Variants in AOPEP observed in about 807,000 individuals in gnomAD.
AOPEP encodes aminopeptidase O (putative).
Under a neutral mutation model 98.1 loss-of-function variants are expected in AOPEP, and 77 were observed. The ratio of observed to expected loss-of-function variants is 0.78; its 90% CI spans 0.65 to 0.95. AOPEP has a LOEUF of 0.95. Among genes scored for constraint, AOPEP ranks in the 40% least tolerant of loss-of-function variants. AOPEP has a pLI of 0.00. For missense variants in AOPEP, 1,024 were observed against 1,024.7 expected (o/e 1.00, Z 0.01); for synonymous variants, 346 against 365.3 (o/e 0.95, Z 0.60).
chr9:95,083,740 A>T (rs2070211556), intron 16 of AOPEP, among the ~76,000 whole-genome samples: 1 of 152,192 alleles, frequency 6.6e-6, no homozygotes, highest in Non-Finnish European at 1.5e-5. Context: ...CACGCACCAC[A>T]CAGCACCCGC....
At chr9:94,923,852 G>A (rs1471763791) in intron 5 of AOPEP, 134 bp from the exon 6 acceptor site, 5 of 500,920 alleles carry the variant, frequency 1.0e-5, no homozygotes, top group African/African-American at 4.0e-5. Flanking sequence ...CATCTAAGCC[G>A]CAAGCCTATC....
At chr9:95,077,157 T>A (rs1481537141) in intron 14 of AOPEP, among the ~76,000 whole-genome samples, 1 of 152,166 alleles carries the variant, frequency 6.6e-6, no homozygotes, top group East Asian at 1.9e-4. Context: ...CAGCCACAGC[T>A]GGCTGTCCCC....
At chr9:95,109,080 CTTTA>C in the AOPEP span, among the ~76,000 whole-genome samples, 1 of 151,956 alleles carries the variant, frequency 6.6e-6, no homozygotes, top group Non-Finnish European at 1.5e-5. Flanking sequence ...TGGCTAATTT[CTTTA>C]TTTATTTTTT....
chr9:94,835,006 G>A (rs1376339791), intron 5 of AOPEP, among the ~76,000 whole-genome samples: 1 of 152,146 alleles, frequency 6.6e-6, no homozygotes, highest in East Asian at 1.9e-4. Flanking sequence ...AATCCTTATG[G>A]GTACCTGAGA....
rs536837521 is a variant in AOPEP at position 94,993,490 on chromosome 9, A to T, written c.1978-11668A>T. 3.3e-5 allele frequency among the ~76,000 whole-genome samples: 5 copies of T among 152,360 alleles called. No individual in the cohort carries two copies. The East Asian group carries it at 7.7e-4, about 23-fold the overall frequency. Reference sequence around the variant, plus strand: ...GAGAAATTGCTACAGTGATCGCTGCATATTTTATAGCAAAACGTTGCAGTA... The same window carrying T: ...GAGAAATTGCTACAGTGATCGCTGCTTATTTTATAGCAAAACGTTGCAGTA... On this transcript the variant is annotated intron_variant, in intron 11 of 16. Transcript: ENST00000375315.
intron 1 of AOPEP, among the ~76,000 whole-genome samples, chr9:94,736,896 T>A (rs1831898889): frequency 1.3e-5 from 2 of 152,186 alleles, no homozygotes. Context: ...TATGAAGGGT[T>A]TAGAAACTGT....
At position 94,972,402 on chromosome 9, in the gene AOPEP, T is replaced by C. The variant is rs1221313658; in HGVS notation, c.1916+4601T>C. On this transcript the variant is annotated intron_variant, in intron 10 of 16. Transcript: ENST00000375315. The surrounding 1 kb of genome is among the most constrained non-coding windows in gnomAD (Gnocchi z 4.2). ...CCAGACAATCCTGAGCAGCAGTCTC[T>C]CCTGGTGAAAGAGCCCCGTGGAACG... 1.3e-5 allele frequency among the ~76,000 whole-genome samples: 2 copies of C among 152,308 alleles called. No homozygotes were observed. The highest frequency in any genetic ancestry group is 4.8e-5 in the African/African-American group (2 of 41,560).
chr9:94,997,095 G>A (rs1476637325), intron 11 of AOPEP, among the ~76,000 whole-genome samples: 1 of 152,170 alleles, frequency 6.6e-6, no homozygotes, highest in Non-Finnish European at 1.5e-5. Flanking sequence ...CTAAAGATAA[G>A]GATGTATGCA....
At chr9:94,925,301 T>G (rs1407963297) in intron 6 of AOPEP, among the ~76,000 whole-genome samples, 1 of 152,252 alleles carries the variant, frequency 6.6e-6, no homozygotes, top group Non-Finnish European at 1.5e-5. Context: ...AAGTTCCTAA[T>G]GTTTAGGTCA....
In AOPEP at chr9:94,765,538, G is replaced by C. The variant is rs1839403105; in HGVS notation, c.797+4958G>C. On this transcript the variant is annotated intron_variant, in intron 2 of 16. Transcript: ENST00000375315. ...ATTACTTGAGCCCAGGGAGGTCGAGGCTGCAGTGGGTCATGTTTGTGCCAC... is the reference window on the plus strand; with the variant it reads ...ATTACTTGAGCCCAGGGAGGTCGAGCCTGCAGTGGGTCATGTTTGTGCCAC... 2.0e-5 allele frequency among the ~76,000 whole-genome samples: 3 copies of C among 150,588 alleles called. No individual in the cohort carries two copies. The South Asian group carries it at 6.3e-4, about 32-fold the overall frequency.
At chr9:95,045,312 G>T (rs932752822) in intron 13 of AOPEP, among the ~76,000 whole-genome samples, 1 of 152,226 alleles carries the variant, frequency 6.6e-6, no homozygotes, top group African/African-American at 2.4e-5. Context: ...GGCTGGGGAC[G>T]CCTTGGGGCG....
At chr9:94,932,045 C>T in intron 7 of AOPEP, 2 of 1,155,074 alleles carry the variant, frequency 1.7e-6, no homozygotes, top group Non-Finnish European at 2.1e-6. Context: ...AAGAAGAGAA[C>T]AGGGATTTAA....
the AOPEP span, among the ~76,000 whole-genome samples, chr9:95,096,979 T>C: frequency 6.6e-6 from 1 of 151,046 alleles, no homozygotes; most frequent in Non-Finnish European, 1.5e-5. Flanking sequence ...GATTGGGCAA[T>C]GTCTGGAGAA....
intron 13 of AOPEP, among the ~76,000 whole-genome samples, chr9:95,052,967 G>A (rs564534932): frequency 2.6e-5 from 4 of 152,270 alleles, no homozygotes; most frequent in African/African-American, 7.2e-5. Context: ...AGACTAGAGA[G>A]ACAATGATAG....
chr9:94,847,173 C>T (rs865889955), intron 5 of AOPEP, among the ~76,000 whole-genome samples: 2 of 149,728 alleles, frequency 1.3e-5, no homozygotes, highest in Admixed American at 6.7e-5. Flanking sequence ...CTCTCTCTCT[C>T]TCTCTCTGTC....
At chr9:95,024,573 G>C (rs1446565431) in intron 13 of AOPEP, among the ~76,000 whole-genome samples, 1 of 152,248 alleles carries the variant, frequency 6.6e-6, no homozygotes, top group East Asian at 1.9e-4. Context: ...AGAGCTGGCA[G>C]TAGTTTTGTA....
At chr9:94,809,047 G>C (rs1454816441) in intron 5 of AOPEP, among the ~76,000 whole-genome samples, 1 of 152,208 alleles carries the variant, frequency 6.6e-6, no homozygotes, top group African/African-American at 2.4e-5. Flanking sequence ...GAACTCACTC[G>C]ACAAACATGT....
At chr9:94,864,932 C>T (rs549888076) in intron 5 of AOPEP, among the ~76,000 whole-genome samples, 13 of 152,260 alleles carry the variant, frequency 8.5e-5, no homozygotes, top group Admixed American at 5.2e-4. Flanking sequence ...TAACACTCCA[C>T]GCTGATTTCT....
intron 5 of AOPEP, among the ~76,000 whole-genome samples, chr9:94,896,753 C>G (rs1197372198): frequency 6.6e-6 from 1 of 152,108 alleles, no homozygotes; most frequent in Non-Finnish European, 1.5e-5. Flanking sequence ...CTGTCTCAAG[C>G]AAGAGAAGCC....
Sources: allele counts gnomAD v4.1 joint callset (sites outside exome capture counted in the v4.1 genomes callset), GRCh38; gene constraint gnomAD v4.1.1; non-coding constraint Gnocchi (gnomAD v3.1); transcripts MANE v1.5; gene names NCBI Gene and HGNC (gene_info 2026-07-23, HGNC 2026-07-21).